LY75: variants seen among roughly 807,000 people sequenced by gnomAD.
LY75 encodes lymphocyte antigen 75, also known as C-type lectin domain family 13 member B.
A neutral mutation model predicts 231.7 loss-of-function variants in LY75; 185 were observed. The observed-to-expected ratio is 0.80, with a 90% CI of 0.71 to 0.90. The LOEUF (loss-of-function observed/expected upper bound fraction) is 0.90. Ranked by LOEUF, LY75 falls within the 40% of genes least tolerant of loss-of-function variation. LY75 has a pLI of 0.00. For synonymous variants in LY75, 668 were observed against 689.0 expected (o/e 0.97, Z 0.48); for missense variants, 1,947 against 2,050.2 (o/e 0.95, Z 0.97).
At chr2:159,856,855 G>A (rs2125858051) in intron 16 of LY75, among the ~76,000 whole-genome samples, 1 of 152,054 alleles carries the variant, frequency 6.6e-6, no homozygotes, top group South Asian at 2.1e-4. Context: ...TGGCTAATTT[G>A]CCATTTCTAA....
At position 159,816,913 on chromosome 2, in the gene LY75, T is replaced by G; in HGVS notation, c.4273A>C (p.Ser1425Arg). Reference protein sequence around the residue: ...WYEALNMCSQSGGHLASVHNQ... With the variant: ...WYEALNMCSQRGGHLASVHNQ... ...TGAACGCTTGCCAAGTGACCTCCACTTTGAGAACACATGTTTAATGCTTCA... is the reference window on the plus strand; with the variant it reads ...TGAACGCTTGCCAAGTGACCTCCACGTTGAGAACACATGTTTAATGCTTCA... The change falls in exon 30 of 35, where the codon AGT becomes CGT. Residue 1425 changes from serine (S) to arginine (R), a missense_variant. Transcript: ENST00000263636. 1.9e-6 allele frequency: 3 copies of G among 1,614,200 alleles called. No homozygotes were observed. Among genetic ancestry groups the G allele is most frequent in the Non-Finnish European group, 2.5e-6 (3 of 1,180,026 alleles).
At chr2:159,886,358 G>C (rs1685584402) in intron 5 of LY75, 62 bp downstream of exon 5, 31 of 1,485,806 alleles carry the variant, frequency 2.1e-5, no homozygotes, top group Non-Finnish European at 2.6e-5. Context: ...ATTGGTGAGT[G>C]AGAAGCTTTT....
rs1560103482 is a variant in LY75 at position 159,890,263 on chromosome 2, C to T, written c.752G>A (p.Gly251Glu). The change falls in exon 4 of 35, where the codon GGA (glycine) becomes GAA (glutamate). Residue 251 changes from glycine (G) to glutamate (E), a missense_variant. Coordinates refer to ENST00000263636, the MANE Select transcript of LY75 (RefSeq NM_002349.4). ...ACTGTTGATGCTCAGTAAATCAGCT[C>T]CTTGATTCTGACATGAAACATAAGC... The part of the protein sequence containing the change: ...KEAYVSCQNQ[G>E]ADLLSINSAA... 3.1e-6 allele frequency: 5 copies of T among 1,613,350 alleles called. No individual in the cohort carries two copies. Among genetic ancestry groups the T allele is most frequent in the South Asian group, 2.2e-5 (2 of 91,068 alleles).
At chr2:159,900,443 A>G (rs1686040782) in intron 1 of LY75, among the ~76,000 whole-genome samples, 2 of 152,254 alleles carry the variant, frequency 1.3e-5, no homozygotes, top group Admixed American at 1.3e-4. Context: ...TTAAGCAATC[A>G]CTGTCAGTGA....
intron 28 of LY75, among the ~76,000 whole-genome samples, chr2:159,830,653 C>G (rs2556098): frequency 0.41 from 60,374 of 148,306 alleles, 13,937 homozygotes; most frequent in Non-Finnish European, 0.52. Flanking sequence ...GCAGTGGCAC[C>G]ATCTTGGCTC....
At chr2:159,851,747 C>G (rs1019904280) in intron 21 of LY75, among the ~76,000 whole-genome samples, 3 of 152,152 alleles carry the variant, frequency 2.0e-5, no homozygotes, top group Admixed American at 6.6e-5. Flanking sequence ...GAGGCAAGAT[C>G]AATGATTAAC....
rs1682812652 is a variant in LY75, at chr2:159,806,964, C to T, written c.4990+9G>A. On this transcript the variant is annotated intron_variant, in intron 34 of 34. Coordinates refer to ENST00000263636, the MANE Select transcript of LY75 (RefSeq NM_002349.4). ...CAAAAAGTCTCCTAAGGACAGGTTC[C>T]ATACTTACCCAGAGGCACTTTGCAG... The T allele has an allele frequency of 2.5e-6, 4 of 1,609,754 alleles. No homozygotes were observed. The Admixed American group carries it at 5.0e-5, about 20-fold the overall frequency.
intron 23 of LY75, among the ~76,000 whole-genome samples, chr2:159,848,755 T>A (rs1281602407): frequency 6.6e-6 from 1 of 152,208 alleles, no homozygotes; most frequent in Non-Finnish European, 1.5e-5. Flanking sequence ...TTGAGACTCA[T>A]TTCGTATATC....
rs146309015 is a variant in LY75, at chr2:159,810,943, A to G, written c.4550-268T>C. ...CTAAAGTAGAAACAATGAGAAAGAC[A>G]GACTAGAAAAAGAAGTAAAGACAGG... On this transcript the variant is annotated intron_variant, in intron 31 of 34. Coordinates refer to ENST00000263636, the MANE Select transcript of LY75 (RefSeq NM_002349.4). Among the ~76,000 whole-genome samples the G allele has an allele frequency of 4.5e-4, 69 of 152,404 alleles. No homozygotes were observed. In the East Asian group the frequency reaches 0.013, roughly 28 times the overall value.
chr2:159,805,343 CTGAT>C (rs1206866267), intron 34 of LY75, 121 bp from the exon 35 acceptor site: 2 of 624,202 alleles, frequency 3.2e-6, no homozygotes, highest in Non-Finnish European at 5.5e-6. Context: ...CATAATAAAT[CTGAT>C]TGTTTCATAG....
intron 31 of LY75, among the ~76,000 whole-genome samples, chr2:159,810,907 A>G (rs556447527): frequency 6.6e-6 from 1 of 152,366 alleles, no homozygotes; most frequent in Non-Finnish European, 1.5e-5. Flanking sequence ...GCTTTCTAAG[A>G]CTGATTTGGA....
intron 34 of LY75, among the ~76,000 whole-genome samples, chr2:159,806,000 A>G (rs1682783093): frequency 6.6e-6 from 1 of 152,016 alleles, no homozygotes; most frequent in Non-Finnish European, 1.5e-5. Context: ...CTTTGCTCCA[A>G]CTGGTACCTC....
Position 159,904,652 on chromosome 2 carries a change from G to C in LY75, c.31C>G (p.Pro11Ala). 4.0e-6 allele frequency: 6 copies of C among 1,491,542 alleles called. No homozygotes were observed. The highest frequency in any genetic ancestry group is 5.3e-6 in the Non-Finnish European group (6 of 1,123,534). 92.4% of individuals were successfully genotyped at this position (1,491,542 alleles called of 1,614,324 possible). MRTGWATPRR[P>A]AGLLMLLFWF... ...AAGAGCAGCATGAGGAGCCCCGCCG[G>C]GCGGCGAGGGGTCGCCCAGCCTGTC... Residue 11 changes from proline to alanine, a missense_variant, in exon 1 of 35, where the codon CCG becomes GCG. Pro to Ala is a conservative substitution (Grantham distance 27, BLOSUM62 -1). Coordinates refer to ENST00000263636, the MANE Select transcript of LY75 (RefSeq NM_002349.4).
At chr2:159,887,822 C>T (rs2125880426) in intron 4 of LY75, among the ~76,000 whole-genome samples, 1 of 152,248 alleles carries the variant, frequency 6.6e-6, no homozygotes, top group East Asian at 1.9e-4. Flanking sequence ...TATTACATTA[C>T]TTTCATGAGT....
chr2:159,882,045 C>A, intron 7 of LY75, 79 bp downstream of exon 7: 1 of 1,492,004 alleles, frequency 6.7e-7, no homozygotes, highest in Non-Finnish European at 9.0e-7. Context: ...GTAAGCTTTT[C>A]ATTCCCACAA....
intron 16 of LY75, 140 bp downstream of exon 16, chr2:159,858,213 GGCAGGGGGT>G: frequency 1.1e-6 from 1 of 896,836 alleles, no homozygotes; most frequent in South Asian, 2.6e-5. Context: ...GCCGGAGTCA[GGCAGGGGGT>G]GCTCCACATA....
At chr2:159,877,335 G>A (rs961861767) in intron 11 of LY75, among the ~76,000 whole-genome samples, 7 of 152,154 alleles carry the variant, frequency 4.6e-5, no homozygotes, top group African/African-American at 1.4e-4. Context: ...AATTCACAGG[G>A]TGAAAAGTAG....
chr2:159,875,680 A>C, intron 11 of LY75, 37 bp from the exon 12 acceptor site: 1 of 1,608,364 alleles, frequency 6.2e-7, no homozygotes, highest in Non-Finnish European at 8.5e-7. Context: ...AAAAATTAAA[A>C]CGTTAAAGTT....
intron 15 of LY75, among the ~76,000 whole-genome samples, chr2:159,858,824 G>A (rs1684618059): frequency 6.6e-6 from 1 of 152,212 alleles, no homozygotes; most frequent in Non-Finnish European, 1.5e-5. Flanking sequence ...CAGCCTCAGT[G>A]GCTCAGGCTC....
Sources: gnomAD v4.1 joint callset for allele counts (sites outside exome capture counted in the v4.1 genomes callset) on GRCh38, gnomAD v4.1.1 for gene constraint, MANE v1.5 for transcripts, NCBI Gene and HGNC (gene_info 2026-07-23, HGNC 2026-07-21) for gene names.